COL9A1: variants seen among roughly 807,000 people sequenced by gnomAD.
COL9A1 encodes the protein collagen type IX alpha 1 chain.
Under a neutral mutation model 142.6 loss-of-function variants are expected in COL9A1, and 104 were observed. That is an observed-to-expected ratio of 0.73 (90% CI 0.62 to 0.86). The LOEUF is 0.86. COL9A1 is among the 40% of genes least tolerant of loss of function. COL9A1 has a pLI of 0.00. For synonymous variants in COL9A1, 466 were observed against 396.0 expected, an observed-to-expected ratio of 1.18 and a Z score of -2.10; for missense variants, 1,210 against 1,176.6, an observed-to-expected ratio of 1.03 and a Z score of -0.42.
At chr6:70,270,459 G>T in intron 14 of COL9A1, 92 bp from the exon 15 acceptor site, 1 of 1,222,706 alleles carries the variant, frequency 8.2e-7, no homozygotes, top group Non-Finnish European at 1.2e-6. Context: ...GGTATTACTG[G>T]AAACCCCCAC....
chr6:70,225,888 A>G (rs532443730), intron 37 of COL9A1, 44 bp downstream of exon 37: 1 of 1,447,536 alleles, frequency 6.9e-7, no homozygotes, highest in South Asian at 1.1e-5. Context: ...TGTACTTGCT[A>G]CCAATTTCGC....
chr6:70,222,110 T>C (rs1768915634), intron 37 of COL9A1, among the ~76,000 whole-genome samples: 1 of 152,192 alleles, frequency 6.6e-6, no homozygotes, highest in Non-Finnish European at 1.5e-5. Flanking sequence ...TGTCTTGTTA[T>C]TACCTGACAG....
At chr6:70,239,353 T>G in intron 32 of COL9A1, 67 bp from the exon 33 acceptor site, 2 of 1,090,514 alleles carry the variant, frequency 1.8e-6, no homozygotes, top group Non-Finnish European at 2.8e-6. Flanking sequence ...TGAAAACACT[T>G]TAAAAGTTAT....
At chr6:70,281,190 C>T in intron 8 of COL9A1, 151 bp from the exon 9 acceptor site, 1 of 799,746 alleles carries the variant, frequency 1.3e-6, no homozygotes, top group Non-Finnish European at 2.0e-6. Flanking sequence ...AACAGAGACA[C>T]CTCTCCCTCC....
intron 33 of COL9A1, among the ~76,000 whole-genome samples, chr6:70,235,497 T>C (rs1769852081): frequency 6.6e-6 from 1 of 152,062 alleles, no homozygotes; most frequent in Non-Finnish European, 1.5e-5. Context: ...TCGGGGATAG[T>C]TATTCTTGCA....
At chr6:70,243,606 C>G (rs1008278036) in intron 28 of COL9A1, among the ~76,000 whole-genome samples, 2 of 152,128 alleles carry the variant, frequency 1.3e-5, no homozygotes, top group Non-Finnish European at 2.9e-5. Context: ...CAGCTCACTG[C>G]AACCTCCATC....
rs3806075 is a variant in COL9A1 at position 70,240,196 on chromosome 6, G to C, written c.2079+493C>G. The stretch of plus-strand genomic sequence containing the variant: ...TTCCTTTCCTGGAGATTAGGCAACA[G>C]CCTCCTCTGGAGATGGAGGTCACTT... On this transcript the variant is annotated intron_variant, in intron 32 of 37. Transcript: ENST00000357250. Among the ~76,000 whole-genome samples the C allele has an allele frequency of 3.3e-5, 5 of 152,294 alleles. No individual in the cohort carries two copies. In the East Asian group the frequency reaches 9.7e-4, roughly 29 times the overall value.
rs506908 is a variant in COL9A1 at position 70,256,470 on chromosome 6, A to G, written c.1503+298T>C. Among the ~76,000 whole-genome samples, 58,363 of 151,884 alleles carry G rather than the reference A, an allele frequency of 0.38. 11,519 individuals carry two copies. Among genetic ancestry groups the G allele is most frequent in the African/African-American group, 0.42 (17,323 of 41,378 alleles). On this transcript the variant is annotated intron_variant, in intron 21 of 37. Coordinates refer to ENST00000357250, the MANE Select transcript of COL9A1 (RefSeq NM_001851.6). ...ATCAAATGGGCAAGAAAGTAGAAAC[A>G]AGATAGTTACTGAGACTCAAGGCGT...
intron 21 of COL9A1, 126 bp downstream of exon 21, chr6:70,256,642 A>G: frequency 1.6e-6 from 1 of 638,662 alleles, no homozygotes; most frequent in South Asian, 2.2e-5. Context: ...AAATTTAAAC[A>G]TATATATATA....
chr6:70,225,908 C>T (rs745496117), intron 37 of COL9A1, 24 bp downstream of exon 37: 1 of 1,603,516 alleles, frequency 6.2e-7, no homozygotes, highest in East Asian at 2.2e-5. Context: ...CTACCTCCTC[C>T]TCTCAGCTAT....
At chr6:70,223,479 G>A (rs1769019213) in intron 37 of COL9A1, among the ~76,000 whole-genome samples, 1 of 152,146 alleles carries the variant, frequency 6.6e-6, no homozygotes, top group African/African-American at 2.4e-5. Flanking sequence ...CGTGAACCTA[G>A]GATGTCTGAA....
intron 11 of COL9A1, 146 bp from the exon 12 acceptor site, chr6:70,274,228 G>T (rs549939623): frequency 1.3e-4 from 70 of 550,836 alleles, no homozygotes; most frequent in Non-Finnish European, 1.9e-4. Context: ...AAGTTCAGGG[G>T]TACATGTGCA....
At chr6:70,251,036 T>C (rs1354403960) in intron 28 of COL9A1, among the ~76,000 whole-genome samples, 1 of 152,192 alleles carries the variant, frequency 6.6e-6, no homozygotes, top group Non-Finnish European at 1.5e-5. Flanking sequence ...TATACGAATG[T>C]TCATAGCAGC....
intron 25 of COL9A1, 110 bp downstream of exon 25, chr6:70,254,366 A>T: frequency 1.1e-6 from 1 of 941,766 alleles, no homozygotes; most frequent in Non-Finnish European, 1.6e-6. Context: ...AAAGTAAAAC[A>T]TCATATCTTC....
At chr6:70,262,865 T>C (rs1186458231) in intron 19 of COL9A1, among the ~76,000 whole-genome samples, 1 of 152,224 alleles carries the variant, frequency 6.6e-6, no homozygotes, top group East Asian at 1.9e-4. Context: ...ATCCAATAAA[T>C]GATATACCTA....
intron 20 of COL9A1, among the ~76,000 whole-genome samples, chr6:70,257,957 T>C (rs923486351): frequency 3.3e-5 from 5 of 152,126 alleles, no homozygotes; most frequent in African/African-American, 1.2e-4. Flanking sequence ...TGGACAGATA[T>C]TAGGTTCAAT....
intron 36 of COL9A1, among the ~76,000 whole-genome samples, chr6:70,227,468 A>C: frequency 6.7e-6 from 1 of 149,844 alleles, no homozygotes; most frequent in East Asian, 2.0e-4. Context: ...TTTAACCTAT[A>C]AGATCGGCAA....
Position 70,254,645 on chromosome 6 carries a change from C to T in COL9A1, c.1666-116G>A, listed in dbSNP as rs574065416. The T allele has an allele frequency of 4.5e-5, 34 of 747,974 alleles. No individual in the cohort carries two copies. The Admixed American group carries it at 6.8e-4, about 15-fold the overall frequency. The allele number at this position is 747,974 out of a possible 1,614,324, so 46.3% of individuals were successfully genotyped here. On this transcript the variant is annotated intron_variant, in intron 24 of 37. Coordinates refer to ENST00000357250, the MANE Select transcript of COL9A1 (RefSeq NM_001851.6). ...AGGATTGTCCCAACAGCTGACTTTACATGCACTTTTATAAAGTGACTTAAT... is the reference window on the plus strand; with the variant it reads ...AGGATTGTCCCAACAGCTGACTTTATATGCACTTTTATAAAGTGACTTAAT...
At chr6:70,265,499 AC>A (rs1771953346) in intron 18 of COL9A1, among the ~76,000 whole-genome samples, 1 of 133,684 alleles carries the variant, frequency 7.5e-6, no homozygotes, top group Non-Finnish European at 1.7e-5. Context: ...CTGTGCTTGT[AC>A]TTTTTTTTTT....
Sources: allele counts gnomAD v4.1 joint callset (sites outside exome capture counted in the v4.1 genomes callset), GRCh38; gene constraint gnomAD v4.1.1; transcripts MANE v1.5; gene names NCBI Gene and HGNC (gene_info 2026-07-23, HGNC 2026-07-21).